The following FMNL2 variants were observed in gnomAD, a reference collection of about 807,000 sequenced individuals.
The protein encoded by FMNL2 is formin like 2, also known as formin-like protein 2.
Under a neutral mutation model 130.2 loss-of-function variants are expected in FMNL2, and 51 were observed. That is an observed-to-expected ratio of 0.39 (90% CI 0.31 to 0.49). The LOEUF is 0.49. FMNL2 is among the 20% of genes least tolerant of loss of function. The pLI, the probability that FMNL2 is intolerant of heterozygous loss-of-function variation, is 0.85. For synonymous variants in FMNL2, 465 were observed against 467.1 expected (o/e 1.00, Z 0.06); for missense variants, 977 against 1,316.2 (o/e 0.74, Z 3.99).
chr2:152,629,614 C>CA lies in FMNL2; in HGVS notation c.2401-41dup, dbSNP rs1580135642. 3 of 1,534,748 alleles carry CA rather than the reference C, an allele frequency of 2.0e-6. No homozygotes were observed. In the East Asian group the frequency reaches 7.2e-5, roughly 37 times the overall value. ...TTGCCAATTAGTTTCCCATTTTTAA[C>CA]ATGTCTTTTTTCCCCTTTTTCTTTC... On this transcript the variant is annotated intron_variant, in intron 18 of 25. Coordinates refer to ENST00000288670, the MANE Select transcript of FMNL2 (RefSeq NM_052905.4).
At chr2:152,382,539 G>C (rs928090381) in intron 1 of FMNL2, among the ~76,000 whole-genome samples, 1 of 152,136 alleles carries the variant, frequency 6.6e-6, no homozygotes, top group Admixed American at 6.5e-5. Context: ...GCTAATAGAG[G>C]CTAAAGAGTC....
intron 1 of FMNL2, among the ~76,000 whole-genome samples, chr2:152,445,558 G>A (rs1443079796): frequency 6.6e-6 from 1 of 152,148 alleles, no homozygotes; most frequent in Admixed American, 6.5e-5. Context: ...AATAGTCACA[G>A]GTGGTTAGAC....
chr2:152,345,904 AG>A (rs1259211674), intron 1 of FMNL2, among the ~76,000 whole-genome samples: 1 of 152,224 alleles, frequency 6.6e-6, no homozygotes, highest in Non-Finnish European at 1.5e-5. Flanking sequence ...TTTGGTTCTC[AG>A]GGTCCACTTT....
chr2:152,618,588 A>G (rs1237234609), intron 13 of FMNL2, among the ~76,000 whole-genome samples: 2 of 152,120 alleles, frequency 1.3e-5, no homozygotes, highest in Admixed American at 1.3e-4. Flanking sequence ...GTTTCTTTCC[A>G]CCTGCAGGGA....
At chr2:152,392,384 T>A (rs1168799091) in intron 1 of FMNL2, among the ~76,000 whole-genome samples, 1 of 152,180 alleles carries the variant, frequency 6.6e-6, no homozygotes, top group African/African-American at 2.4e-5. Context: ...ATGACTGAGA[T>A]GGTTATTCCT....
rs556828031 is a variant in FMNL2 at position 152,583,732 on chromosome 2, A to G, written c.876+2683A>G. Among the ~76,000 whole-genome samples the G allele has an allele frequency of 2.0e-5, 3 of 152,312 alleles. No homozygotes were observed. In the East Asian group the frequency reaches 5.8e-4, roughly 29 times the overall value. On this transcript the variant is annotated intron_variant, in intron 9 of 25. Transcript: ENST00000288670. Reference sequence around the variant, plus strand: ...ATGTTGGACCCAGTTTGTCTTTGCCAGCTTGGCCCACACCCTGTTTTTCAG... The same window carrying G: ...ATGTTGGACCCAGTTTGTCTTTGCCGGCTTGGCCCACACCCTGTTTTTCAG...
intron 2 of FMNL2, among the ~76,000 whole-genome samples, chr2:152,535,125 C>T (rs1374504389): frequency 6.6e-6 from 1 of 152,198 alleles, no homozygotes; most frequent in Non-Finnish European, 1.5e-5. Flanking sequence ...TCCTGTATTC[C>T]TAACCTATTA....
chr2:152,390,640 T>G, intron 1 of FMNL2: 2 of 880,918 alleles, frequency 2.3e-6, no homozygotes, highest in Non-Finnish European at 3.9e-6. Flanking sequence ...AACTAGCCCG[T>G]GCTTTTTCCT....
Position 152,336,092 on chromosome 2 carries a change from A to AAAAAACAAAAC in FMNL2, c.117+376_117+377insACAAAACAAAA, listed in dbSNP as rs5835421. The stretch of plus-strand genomic sequence containing the variant: ...GAGCCGCTTAGGCTTTTTTTTTAAA[A>AAAAAACAAAAC]AAAACAAAACAAAACAAAACAAAAC... On this transcript the variant is annotated intron_variant, in intron 1 of 25. Coordinates refer to ENST00000288670, the MANE Select transcript of FMNL2 (RefSeq NM_052905.4). Among the ~76,000 whole-genome samples, 22 of 132,336 alleles carry AAAAAACAAAAC rather than the reference A, an allele frequency of 1.7e-4. No individual in the cohort carries two copies. The East Asian group carries it at 1.8e-3, about 11-fold the overall frequency. The allele number at this position is 132,336 out of a possible 152,430, so 86.8% of individuals were successfully genotyped here. A position where few individuals can be genotyped will look rare whatever the true frequency, so the allele number is the denominator to read the frequency against.
intron 1 of FMNL2, among the ~76,000 whole-genome samples, chr2:152,344,650 A>G (rs371538161): frequency 2.0e-5 from 3 of 152,210 alleles, no homozygotes; most frequent in Non-Finnish European, 2.9e-5. Flanking sequence ...AGATTAAGCA[A>G]TGACCCAGAA....
chr2:152,591,548 G>C (rs1234981501), intron 9 of FMNL2, among the ~76,000 whole-genome samples: 1 of 152,244 alleles, frequency 6.6e-6, no homozygotes, highest in Non-Finnish European at 1.5e-5. Flanking sequence ...GCTCATGCCG[G>C]TAATCCCAGC....
chr2:152,382,944 CT>C (rs1371126643), intron 1 of FMNL2, among the ~76,000 whole-genome samples: 6 of 152,204 alleles, frequency 3.9e-5, no homozygotes, highest in Non-Finnish European at 7.3e-5. Flanking sequence ...GACATTGTAG[CT>C]GCCTTAACAT....
intron 1 of FMNL2, among the ~76,000 whole-genome samples, chr2:152,442,053 G>A (rs1398626818): frequency 3.3e-5 from 5 of 151,916 alleles, no homozygotes; most frequent in African/African-American, 1.2e-4. Flanking sequence ...AGAGTTTTTG[G>A]TTGGTGAGGG....
chr2:152,639,836 T>A (rs1424499699), intron 23 of FMNL2, 122 bp from the exon 24 acceptor site: 11 of 591,674 alleles, frequency 1.9e-5, no homozygotes, highest in East Asian at 3.7e-5. Flanking sequence ...GTGTAGATCT[T>A]CTCAACCTTC....
intron 1 of FMNL2, among the ~76,000 whole-genome samples, chr2:152,478,241 T>A (rs1558896573): frequency 2.7e-5 from 1 of 36,378 alleles, no homozygotes; most frequent in African/African-American, 7.7e-5. Flanking sequence ...TATATATATA[T>A]ATATATATAT....
chr2:152,616,436 T>C (rs1428762641), intron 12 of FMNL2, among the ~76,000 whole-genome samples: 1 of 150,312 alleles, frequency 6.7e-6, no homozygotes, highest in Non-Finnish European at 1.5e-5. Flanking sequence ...GTTCAAGTGA[T>C]TCTCCTGCCT....
intron 1 of FMNL2, among the ~76,000 whole-genome samples, chr2:152,424,606 G>A (rs767436693): frequency 9.9e-5 from 15 of 152,112 alleles, no homozygotes; most frequent in Non-Finnish European, 1.9e-4. Context: ...GGCCAGGCTG[G>A]TCTCGAACTC....
intron 1 of FMNL2, among the ~76,000 whole-genome samples, chr2:152,471,520 A>C (rs562577248): frequency 6.6e-6 from 1 of 152,234 alleles, no homozygotes; most frequent in Non-Finnish European, 1.5e-5. Flanking sequence ...AAAAATAAGC[A>C]AAAGAATGAG....
chr2:152,485,178 T>C (rs1017457676), intron 1 of FMNL2, among the ~76,000 whole-genome samples: 2 of 152,138 alleles, frequency 1.3e-5, no homozygotes, highest in African/African-American at 4.8e-5. Context: ...AGACCTGATG[T>C]CTACAAAATA....
Sources: gnomAD v4.1 joint callset for allele counts (sites outside exome capture counted in the v4.1 genomes callset) on GRCh38, gnomAD v4.1.1 for gene constraint, MANE v1.5 for transcripts, NCBI Gene and HGNC (gene_info 2026-07-23, HGNC 2026-07-21) for gene names.